The following MYH11 variants were observed in gnomAD, a reference collection of about 807,000 sequenced individuals.
MYH11 encodes myosin heavy chain 11.
Under a neutral mutation model 246.6 loss-of-function variants are expected in MYH11, and 80 were observed. That is an observed-to-expected ratio of 0.32 (90% CI 0.27 to 0.39). The LOEUF (loss-of-function observed/expected upper bound fraction) is 0.39, where lower values mean the gene tolerates loss of function less well. MYH11 is among the 10% of genes least tolerant of loss of function. MYH11 has a pLI of 1.00. For missense variants in MYH11, 2,158 were observed against 2,546.8 expected, an observed-to-expected ratio of 0.85 and a Z score of 3.29; for synonymous variants, 1,071 against 1,015.5, an observed-to-expected ratio of 1.05 and a Z score of -1.04.
chr16:15,736,311 C>G (rs1189557595), intron 25 of MYH11, among the ~76,000 whole-genome samples: 1 of 152,126 alleles, frequency 6.6e-6, no homozygotes, highest in Non-Finnish European at 1.5e-5. Flanking sequence ...CAGGGTCTTG[C>G]TCTGTTGCCC....
chr16:15,724,919 G>T lies in MYH11; in HGVS notation c.3932C>A (p.Ala1311Glu), dbSNP rs185720909. ...GTCCTGGAGCTGGGAACTGAGGGAC[G>T]CCACGTCCTTGGCCAGCTTAATGGC... The part of the protein sequence containing the change: ...GKAIKLAKDV[A>E]SLSSQLQDTQ... The change falls in exon 29 of 41, where the codon GCG becomes GAG. Residue 1311 changes from alanine (A) to glutamate (E), a missense_variant. Coordinates refer to ENST00000300036, the MANE Select transcript of MYH11 (RefSeq NM_002474.3). 8.1e-6 allele frequency: 13 copies of T among 1,614,114 alleles called. No individual in the cohort carries two copies. Among genetic ancestry groups the T allele is most frequent in the South Asian group, 1.1e-5 (1 of 91,086 alleles).
intron 4 of MYH11, among the ~76,000 whole-genome samples, chr16:15,787,405 CT>C (rs2042496107): frequency 6.6e-6 from 1 of 151,472 alleles, no homozygotes; most frequent in South Asian, 2.1e-4. Flanking sequence ...AAGACCTCAT[CT>C]CTAAAAAAAT....
At position 15,750,251 on chromosome 16, in the gene MYH11, T is replaced by A; in HGVS notation, c.1945A>T (p.Met649Leu). ...TACAGCTGCCCCACTGTGCGGAACA[T>A]GCCCTTCTTGGTCTTGGAGGCGCTG... is the stretch of plus-strand genomic sequence containing the variant. Reference protein sequence around the residue: ...LPSASKTKKGMFRTVGQLYKE... With the variant: ...LPSASKTKKGLFRTVGQLYKE... Residue 649 changes from methionine (M) to leucine (L), a missense_variant, in exon 16 of 41, where the codon ATG becomes TTG. By Grantham distance (15) the Met-to-Leu change is conservative. This residue lies in a region of MYH11 where 317 missense variants were observed against 507.7 expected (regional missense o/e 0.62). Transcript: ENST00000300036. The surrounding 1 kb of genome is among the most constrained non-coding windows in gnomAD (Gnocchi z 4.3). 6.2e-7 allele frequency: 1 copy of A among 1,614,192 alleles called. No homozygotes were observed. The highest frequency in any genetic ancestry group is 1.6e-4 in the Middle Eastern group (1 of 6,062).
chr16:15,751,318 C>T (rs2041564416), intron 15 of MYH11, among the ~76,000 whole-genome samples: 1 of 151,926 alleles, frequency 6.6e-6, no homozygotes, highest in Non-Finnish European at 1.5e-5. Flanking sequence ...CGCCACCACG[C>T]CCGGCTCATT....
At chr16:15,772,088 T>G (rs907599114) in intron 8 of MYH11, among the ~76,000 whole-genome samples, 2 of 56,170 alleles carry the variant, frequency 3.6e-5, no homozygotes, top group Non-Finnish European at 8.1e-5. Context: ...ACCTTTACTC[T>G]TTTTTTTTTT....
intron 31 of MYH11, among the ~76,000 whole-genome samples, chr16:15,723,304 T>C (rs776316940): frequency 1.3e-5 from 2 of 152,180 alleles, no homozygotes; most frequent in African/African-American, 2.4e-5. Flanking sequence ...TAATTTGCTC[T>C]GAAATGTACC....
At chr16:15,734,429 G>A (rs1396341235) in intron 26 of MYH11, among the ~76,000 whole-genome samples, 1 of 152,138 alleles carries the variant, frequency 6.6e-6, no homozygotes, top group Non-Finnish European at 1.5e-5. Context: ...CTCCTGAGTA[G>A]CTGGGATTTA....
At chr16:15,715,335 T>G in intron 38 of MYH11, 63 bp from the exon 39 acceptor site, 1 of 1,513,876 alleles carries the variant, frequency 6.6e-7, no homozygotes, top group Non-Finnish European at 9.2e-7. Flanking sequence ...AGCTGGTGTG[T>G]CACCTGGAGG....
chr16:15,809,909 G>T (rs1285808473), intron 3 of MYH11, among the ~76,000 whole-genome samples: 1 of 152,126 alleles, frequency 6.6e-6, no homozygotes, highest in African/African-American at 2.4e-5. Flanking sequence ...GCAACAGAGT[G>T]AGACTCTGTC....
At chr16:15,717,993 A>G (rs910166961) in intron 37 of MYH11, 6 of 430,734 alleles carry the variant, frequency 1.4e-5, no homozygotes, top group Non-Finnish European at 2.6e-5. Context: ...CTCACTGGAT[A>G]AGGTCAGAGC....
At chr16:15,856,664 A>G (rs1319967407) in intron 1 of MYH11, among the ~76,000 whole-genome samples, 1 of 151,938 alleles carries the variant, frequency 6.6e-6, no homozygotes, top group East Asian at 1.9e-4. Flanking sequence ...AGAGTTGGGA[A>G]ATGGAGTTGG....
At chr16:15,772,691 C>T (rs748464340) in intron 8 of MYH11, among the ~76,000 whole-genome samples, 11 of 152,110 alleles carry the variant, frequency 7.2e-5, no homozygotes, top group Non-Finnish European at 1.6e-4. Flanking sequence ...AGACCAGTAC[C>T]GGTCCATGTT....
At chr16:15,854,841 C>T (rs1308148278) in intron 1 of MYH11, among the ~76,000 whole-genome samples, 2 of 119,010 alleles carry the variant, frequency 1.7e-5, no homozygotes, top group Non-Finnish European at 3.6e-5. Flanking sequence ...CACCCCCCAC[C>T]CAAAAAAATC....
intron 20 of MYH11, among the ~76,000 whole-genome samples, chr16:15,744,035 C>A (rs2041349028): frequency 6.6e-6 from 1 of 151,882 alleles, no homozygotes; most frequent in African/African-American, 2.4e-5. Context: ...CTTTGGGAGC[C>A]TGAAGCAGGA....
chr16:15,729,610 G>C (rs1376644567), intron 27 of MYH11, among the ~76,000 whole-genome samples: 1 of 151,644 alleles, frequency 6.6e-6, no homozygotes, highest in Non-Finnish European at 1.5e-5. Flanking sequence ...GGGTGCAGTG[G>C]CACAATCTTG....
chr16:15,738,922 C>T (rs1414897906), intron 23 of MYH11, among the ~76,000 whole-genome samples: 4 of 152,120 alleles, frequency 2.6e-5, no homozygotes, highest in Non-Finnish European at 4.4e-5. Context: ...AGGTACCCTC[C>T]TTCCATTCCT....
At chr16:15,789,444 G>T (rs11861577) in intron 4 of MYH11, among the ~76,000 whole-genome samples, 2,183 of 152,280 alleles carry the variant, frequency 0.014, 50 homozygotes, top group African/African-American at 0.05. Context: ...GAGGTTTGAA[G>T]TAAATTGCTC....
At chr16:15,820,489 AAAAG>A (rs1395123947) in intron 3 of MYH11, among the ~76,000 whole-genome samples, 38 of 144,192 alleles carry the variant, frequency 2.6e-4, no homozygotes, top group African/African-American at 6.5e-4. Context: ...AAAAAAAAAA[AAAAG>A]AAAGAAAGAA....
At chr16:15,839,723 A>G (rs1441226361) in intron 1 of MYH11, among the ~76,000 whole-genome samples, 2 of 149,348 alleles carry the variant, frequency 1.3e-5, no homozygotes, top group African/African-American at 2.5e-5. Context: ...GGCAAAATAG[A>G]AAAGGCATAT....
Sources: allele counts gnomAD v4.1 joint callset (sites outside exome capture counted in the v4.1 genomes callset), GRCh38; gene constraint gnomAD v4.1.1; regional missense constraint gnomAD v4.1.1; non-coding constraint Gnocchi (gnomAD v3.1); transcripts MANE v1.5; gene names NCBI Gene and HGNC (gene_info 2026-07-23, HGNC 2026-07-21).